SLC8A2: variants seen among roughly 807,000 people sequenced by gnomAD.
SLC8A2 encodes the protein sodium/calcium exchanger 2.
Under a neutral mutation model 70.2 loss-of-function variants are expected in SLC8A2, and 14 were observed. That is an observed-to-expected ratio of 0.20 (90% CI 0.13 to 0.31). The LOEUF is 0.31. Among genes scored for constraint, SLC8A2 ranks in the 10% least tolerant of loss-of-function variants. SLC8A2 has a pLI of 1.00. For missense variants in SLC8A2, 779 were observed against 1,320.1 expected (o/e 0.59, Z 6.35); for synonymous variants, 575 against 594.3 (o/e 0.97, Z 0.47).
intron 3 of SLC8A2, among the ~76,000 whole-genome samples, chr19:47,456,416 C>A (rs955313691): frequency 4.6e-5 from 7 of 152,198 alleles, no homozygotes; most frequent in Admixed American, 4.6e-4. Flanking sequence ...GTAATCCCAG[C>A]ATTCTGGGAG....
chr19:47,436,151 C>T (rs947254926), intron 8 of SLC8A2, among the ~76,000 whole-genome samples: 1 of 152,186 alleles, frequency 6.6e-6, no homozygotes, highest in African/African-American at 2.4e-5. Flanking sequence ...CTCTCCCTGT[C>T]TTCTCCCTCC....
In SLC8A2 at chr19:47,452,609, T is replaced by C. The variant is rs189762616; in HGVS notation, c.1340+4321A>G. Among the ~76,000 whole-genome samples the C allele has an allele frequency of 5.1e-3, 771 of 152,024 alleles. 3 individuals carry two copies. Among genetic ancestry groups the C allele is most frequent in the African/African-American group, 0.018 (743 of 41,448 alleles). On this transcript the variant is annotated intron_variant, in intron 3 of 9. Coordinates refer to ENST00000236877, the MANE Select transcript of SLC8A2 (RefSeq NM_015063.3). Reference sequence around the variant, plus strand: ...CTCCCAAGTAGCTGGGATTGGACTTTAGAAGCCAGGCATCAGAATCATAGA... The same window carrying C: ...CTCCCAAGTAGCTGGGATTGGACTTCAGAAGCCAGGCATCAGAATCATAGA...
In SLC8A2 at chr19:47,465,711, C is replaced by T. The variant is rs1212928624; in HGVS notation, c.675+18G>A. On this transcript the variant is annotated intron_variant, in intron 2 of 9. Transcript: ENST00000236877. The surrounding 1 kb of genome is among the most constrained non-coding windows in gnomAD (Gnocchi z 5.5). Reference sequence around the variant, plus strand: ...AGACACACATGCACCAAGAAAGCATCTATGCGTCTTTGCTCACCTGGACCA... The same window carrying T: ...AGACACACATGCACCAAGAAAGCATTTATGCGTCTTTGCTCACCTGGACCA... The T allele has an allele frequency of 6.3e-7, 1 of 1,590,116 alleles. No homozygotes were observed. Among genetic ancestry groups the T allele is most frequent in the East Asian group, 2.2e-5 (1 of 44,450 alleles).
At chr19:47,437,596 C>T (rs960412686) in intron 7 of SLC8A2, 35 bp from the exon 8 acceptor site, 1 of 1,512,216 alleles carries the variant, frequency 6.6e-7, no homozygotes, top group South Asian at 1.1e-5. Flanking sequence ...GGTCACTGCC[C>T]CTGAGCGAAC....
chr19:47,454,530 T>C (rs2047562870), intron 3 of SLC8A2, among the ~76,000 whole-genome samples: 1 of 152,104 alleles, frequency 6.6e-6, no homozygotes, highest in African/African-American at 2.4e-5. Flanking sequence ...CATGCACCTG[T>C]AGTCCCAGCT....
intron 8 of SLC8A2, among the ~76,000 whole-genome samples, chr19:47,436,328 G>C (rs932263409): frequency 6.6e-6 from 1 of 152,180 alleles, no homozygotes; most frequent in African/African-American, 2.4e-5. Context: ...TGACATGTCT[G>C]TCTCCTGCAC....
rs1967464306 is a variant in SLC8A2 at position 47,466,517 on chromosome 19, C to G, written c.-16-98G>C. On this transcript the variant is annotated intron_variant, in intron 1 of 9. Coordinates refer to ENST00000236877, the MANE Select transcript of SLC8A2 (RefSeq NM_015063.3). The surrounding 1 kb of genome is among the most constrained non-coding windows in gnomAD (Gnocchi z 6.9). ...TGGGGAAGGAGGGTTGGGGGAGAAG[C>G]TGAGGACCAATGCAGGCAGGATGGG... 1 of 581,616 alleles carries G rather than the reference C, an allele frequency of 1.7e-6. No individual in the cohort carries two copies. Among genetic ancestry groups the G allele is most frequent in the Admixed American group, 3.2e-5 (1 of 31,234 alleles). The allele number at this position is 581,616 out of a possible 1,614,324, so 36.0% of individuals were successfully genotyped here.
chr19:47,445,170 G>T (rs936346003), intron 4 of SLC8A2, among the ~76,000 whole-genome samples: 1 of 152,092 alleles, frequency 6.6e-6, no homozygotes, highest in African/African-American at 2.4e-5. Flanking sequence ...GTGCAATGGC[G>T]TGACCTCGGC....
chr19:47,448,179 C>T lies in SLC8A2; in HGVS notation c.1393G>A (p.Gly465Ser). The change falls in exon 4 of 10, where the codon GGC (glycine) becomes AGC (serine). Residue 465 changes from glycine to serine, a missense_variant. Around this residue, in one of 6 missense-constraint regions of SLC8A2, gnomAD observed 18 missense variants for 61.3 expected, o/e 0.29. Transcript: ENST00000236877. This position sits in a 1 kb window ranked among gnomAD's most constrained non-coding sequence, Gnocchi z 4.8. ...PGETQKELRI[G>S]IIDDDIFEED... is the part of the protein sequence containing the mutation. Reference sequence around the variant, plus strand: ...TCGAAGATGTCGTCGTCGATGATGCCGATGCGCAGCTCCTTCTGCGTCTCG... The same window carrying T: ...TCGAAGATGTCGTCGTCGATGATGCTGATGCGCAGCTCCTTCTGCGTCTCG... The T allele has an allele frequency of 1.2e-6, 2 of 1,611,760 alleles. No individual in the cohort carries two copies. Among genetic ancestry groups the T allele is most frequent in the Non-Finnish European group, 1.7e-6 (2 of 1,179,000 alleles).
In SLC8A2 at chr19:47,465,778, T is replaced by C; in HGVS notation, c.626A>G (p.Tyr209Cys). Residue 209 changes from tyrosine (Y) to cysteine (C), a missense_variant, in exon 2 of 10, where the codon TAT becomes TGT. Physicochemically the swap from Tyr to Cys is radical, Grantham distance 194. Coordinates refer to ENST00000236877, the MANE Select transcript of SLC8A2 (RefSeq NM_015063.3). The surrounding 1 kb of genome is among the most constrained non-coding windows in gnomAD (Gnocchi z 5.5). ...AGCAAGGATGAGATAAAGCCAGACA[T>C]AGGCGAAGATGCTCCAAGAGGCAGT... ...FVTASWSIFA[Y>C]VWLYLILAVF... 1 of 1,613,954 alleles carries C rather than the reference T, an allele frequency of 6.2e-7. No individual in the cohort carries two copies. Among genetic ancestry groups the C allele is most frequent in the Non-Finnish European group, 8.5e-7 (1 of 1,179,914 alleles).
At chr19:47,467,536 T>G (rs1032209892) in intron 1 of SLC8A2, among the ~76,000 whole-genome samples, 1 of 152,092 alleles carries the variant, frequency 6.6e-6, no homozygotes, top group Admixed American at 6.5e-5. Context: ...TTCCCCAGGC[T>G]CTATAAGTGG....
Position 47,447,704 on chromosome 19 carries a change from G to T in SLC8A2, c.1763+105C>A, listed in dbSNP as rs73568278. The T allele has an allele frequency of 6.2e-3, 7,539 of 1,217,548 alleles. 408 individuals are homozygous for T. In the African/African-American group the frequency reaches 0.11, roughly 18 times the overall value. The allele number at this position is 1,217,548 out of a possible 1,614,324, so 75.4% of individuals were successfully genotyped here. A position where few individuals can be genotyped will look rare whatever the true frequency, so the allele number is the denominator to read the frequency against. On this transcript the variant is annotated intron_variant, in intron 4 of 9. Transcript: ENST00000236877. This position sits in a 1 kb window ranked among gnomAD's most constrained non-coding sequence, Gnocchi z 5.1. ...CCCTCCCGAGGCCCAACCAAGACCC[G>T]CCCACTATGTGGGCATGGCTCACCC...
intron 3 of SLC8A2, among the ~76,000 whole-genome samples, chr19:47,455,097 A>G (rs1967288411): frequency 6.6e-6 from 1 of 152,100 alleles, no homozygotes; most frequent in African/African-American, 2.4e-5. Flanking sequence ...AAAAGAAGAA[A>G]GGAAGAGAGG....
chr19:47,466,353 TG>T lies in SLC8A2; in HGVS notation c.50del (p.Pro17HisfsTer179). 3 of 1,444,142 alleles carry T rather than the reference TG, an allele frequency of 2.1e-6. No homozygotes were observed. The highest frequency in any genetic ancestry group is 9.1e-7 in the Non-Finnish European group (1 of 1,098,682). 89.5% of individuals were successfully genotyped at this position (1,444,142 alleles called of 1,614,324 possible). A position where few individuals can be genotyped will look rare whatever the true frequency, so the allele number is the denominator to read the frequency against. ...GGGTTGGGGTGGCTGCCCCGGAGCA[TG>T]GGGGAGCCGCCAGGAGGAGTGTGAC... ...VGVTLLLAAP[P>X]CSGAATPTPS... is the part of the protein sequence containing the mutation. On this transcript the variant is annotated frameshift_variant, in exon 2 of 10. Coordinates refer to ENST00000236877, the MANE Select transcript of SLC8A2 (RefSeq NM_015063.3). LOFTEE classifies it high-confidence loss of function. The surrounding 1 kb of genome is among the most constrained non-coding windows in gnomAD (Gnocchi z 6.9).
At position 47,428,531 on chromosome 19, in the gene SLC8A2, A is replaced by C. The variant is rs1281352925; in HGVS notation, c.*1558T>G. On this transcript the variant is annotated 3_prime_UTR_variant, in exon 10 of 10. Coordinates refer to ENST00000236877, the MANE Select transcript of SLC8A2 (RefSeq NM_015063.3). Reference sequence around the variant, plus strand: ...GCGGCTGGACCCCGGCGCTGCTGCTATATGTGGGTGTGTCCCGCAGACGAC... The same window carrying C: ...GCGGCTGGACCCCGGCGCTGCTGCTCTATGTGGGTGTGTCCCGCAGACGAC... 2 of 152,444 alleles carry C rather than the reference A, an allele frequency of 1.3e-5. No individual in the cohort carries two copies. The highest frequency in any genetic ancestry group is 2.9e-5 in the Non-Finnish European group (2 of 68,096). The allele number at this position is 152,444 out of a possible 1,614,324, so 9.4% of individuals were successfully genotyped here.
intron 1 of SLC8A2, among the ~76,000 whole-genome samples, chr19:47,469,650 G>C (rs993620960): frequency 3.9e-5 from 6 of 152,230 alleles, no homozygotes; most frequent in African/African-American, 1.4e-4. Flanking sequence ...TTTGTGAAAT[G>C]AATGACCAAG....
intron 1 of SLC8A2, among the ~76,000 whole-genome samples, chr19:47,470,410 G>A (rs767434510): frequency 3.3e-5 from 5 of 149,890 alleles, no homozygotes; most frequent in African/African-American, 5.0e-5. Flanking sequence ...GCACAGCCTC[G>A]TACCTTTTCG....
chr19:47,444,803 G>T (rs1176179211), intron 4 of SLC8A2, among the ~76,000 whole-genome samples: 2 of 152,160 alleles, frequency 1.3e-5, no homozygotes, highest in Non-Finnish European at 2.9e-5. Flanking sequence ...TGAGATCAAA[G>T]GAAGCAGATT....
chr19:47,443,590 G>A (rs1023027867), intron 4 of SLC8A2, among the ~76,000 whole-genome samples: 2 of 152,178 alleles, frequency 1.3e-5, no homozygotes, highest in African/African-American at 4.8e-5. Context: ...CCAGATGCCC[G>A]TCAGTTAGCA....
Sources: allele counts gnomAD v4.1 joint callset (sites outside exome capture counted in the v4.1 genomes callset), GRCh38; gene constraint gnomAD v4.1.1; regional missense constraint gnomAD v4.1.1; non-coding constraint Gnocchi (gnomAD v3.1); transcripts MANE v1.5; gene names NCBI Gene and HGNC (gene_info 2026-07-23, HGNC 2026-07-21).